Variants in SPOCK3 observed in about 807,000 individuals in gnomAD.
SPOCK3 encodes the protein testican-3.
A neutral mutation model predicts 56.6 loss-of-function variants in SPOCK3; 30 were observed. That is an observed-to-expected ratio of 0.53 (90% CI 0.40 to 0.72). SPOCK3 has a LOEUF of 0.72. Among genes scored for constraint, SPOCK3 ranks in the 30% least tolerant of loss-of-function variants. The probability of loss-of-function intolerance (pLI) is 0.00; values close to 1 mark genes in which losing one functional copy is unlikely to be tolerated. For synonymous variants in SPOCK3, 196 were observed against 183.3 expected, an observed-to-expected ratio of 1.07 and a Z score of -0.56; for missense variants, 527 against 530.0, an observed-to-expected ratio of 0.99 and a Z score of 0.06.
chr4:167,174,826 AACACACAT>A (rs923446516), intron 2 of SPOCK3, among the ~76,000 whole-genome samples: 5 of 152,164 alleles, frequency 3.3e-5, no homozygotes, highest in African/African-American at 1.2e-4. Flanking sequence ...CACGCACACA[AACACACAT>A]ACACACAGGC....
chr4:166,987,291 T>C (rs1296382929), intron 4 of SPOCK3, among the ~76,000 whole-genome samples: 2 of 152,158 alleles, frequency 1.3e-5, no homozygotes, highest in African/African-American at 2.4e-5. Context: ...TCTTGCCTGA[T>C]ATCTGAAAAT....
rs560848962 is a variant in SPOCK3 at position 166,992,343 on chromosome 4, C to T, written c.350+8006G>A. Among the ~76,000 whole-genome samples, 14 of 152,220 alleles carry T rather than the reference C, an allele frequency of 9.2e-5. No homozygotes were observed. In the South Asian group the frequency reaches 2.7e-3, roughly 29 times the overall value. ...TAAAAATAAAGAAGTTTTAAAATTG[C>T]TATCACTGACATCACCTATGTATAA... On this transcript the variant is annotated intron_variant, in intron 4 of 10. Transcript: ENST00000357545.
intron 2 of SPOCK3, among the ~76,000 whole-genome samples, chr4:167,208,902 A>G (rs185888393): frequency 1.2e-3 from 183 of 152,260 alleles, no homozygotes; most frequent in African/African-American, 4.1e-3. Flanking sequence ...GCTTAGAGTT[A>G]TATTTGTTTG....
intron 8 of SPOCK3, among the ~76,000 whole-genome samples, chr4:166,753,062 T>C (rs1315625115): frequency 6.6e-6 from 1 of 151,988 alleles, no homozygotes; most frequent in Non-Finnish European, 1.5e-5. Flanking sequence ...ATCCTGCAAA[T>C]ATTGCTACAA....
intron 5 of SPOCK3, among the ~76,000 whole-genome samples, chr4:166,893,455 C>T (rs10517907): frequency 0.74 from 112,564 of 151,992 alleles, 41,766 homozygotes; most frequent in East Asian, 0.82. Context: ...CCTACTTTCA[C>T]TGAGGCACTA....
chr4:167,175,633 A>G (rs903542429), intron 2 of SPOCK3, among the ~76,000 whole-genome samples: 24 of 152,112 alleles, frequency 1.6e-4, no homozygotes, highest in Non-Finnish European at 3.2e-4. Context: ...ACACAGAAAC[A>G]TGCACAGAGG....
intron 3 of SPOCK3, among the ~76,000 whole-genome samples, chr4:167,044,258 C>T (rs1328904090): frequency 6.6e-6 from 1 of 151,808 alleles, no homozygotes; most frequent in Non-Finnish European, 1.5e-5. Flanking sequence ...ACTTATTATC[C>T]TTTTAATGTT....
intron 2 of SPOCK3, among the ~76,000 whole-genome samples, chr4:167,205,558 A>ATATAT (rs1734214559): frequency 1.8e-5 from 1 of 56,038 alleles, no homozygotes; most frequent in Non-Finnish European, 3.1e-5. Context: ...ATAATATATA[A>ATATAT]TATATATTAT....
chr4:166,943,330 C>A (rs1741330832), intron 4 of SPOCK3, among the ~76,000 whole-genome samples: 1 of 152,132 alleles, frequency 6.6e-6, no homozygotes, highest in Non-Finnish European at 1.5e-5. Context: ...CTTTGGGAGT[C>A]CCCAGGCAGT....
chr4:166,842,949 G>A (rs1747616050), intron 6 of SPOCK3, among the ~76,000 whole-genome samples: 1 of 152,224 alleles, frequency 6.6e-6, no homozygotes, highest in Non-Finnish European at 1.5e-5. Context: ...ATGGCAGGCT[G>A]CAGATCCTGA....
At chr4:166,848,294 A>G (rs1475320948) in intron 6 of SPOCK3, among the ~76,000 whole-genome samples, 2 of 152,212 alleles carry the variant, frequency 1.3e-5, no homozygotes, top group African/African-American at 2.4e-5. Context: ...AAAGGGAGTC[A>G]GAAACTTTGA....
chr4:167,171,987 A>G (rs1246177607), intron 2 of SPOCK3, among the ~76,000 whole-genome samples: 3 of 152,278 alleles, frequency 2.0e-5, no homozygotes, highest in Admixed American at 2.0e-4. Flanking sequence ...GCATAAAGGT[A>G]AAAAGATATG....
intron 2 of SPOCK3, among the ~76,000 whole-genome samples, chr4:167,088,349 G>C (rs1021525705): frequency 3.3e-5 from 5 of 152,008 alleles, no homozygotes; most frequent in African/African-American, 1.2e-4. Context: ...ACTGCATTAG[G>C]GTTTTAATCT....
At chr4:166,894,918 C>T (rs1365589472) in intron 5 of SPOCK3, among the ~76,000 whole-genome samples, 3 of 152,024 alleles carry the variant, frequency 2.0e-5, no homozygotes, top group Admixed American at 2.0e-4. Context: ...CTCACAATAG[C>T]CTGCAGTGGA....
chr4:167,119,782 A>G, intron 2 of SPOCK3: 1 of 1,527,160 alleles, frequency 6.5e-7, no homozygotes, highest in Non-Finnish European at 8.8e-7. Context: ...TATATTTAAC[A>G]ATTTTCATTA....
At chr4:166,900,423 A>C (rs1184201793) in intron 5 of SPOCK3, among the ~76,000 whole-genome samples, 1 of 152,184 alleles carries the variant, frequency 6.6e-6, no homozygotes, top group Non-Finnish European at 1.5e-5. Flanking sequence ...ATATCTTAGT[A>C]AGGCAATTTG....
chr4:167,123,534 G>C lies in SPOCK3; in HGVS notation c.190-60997C>G, dbSNP rs186477087. ...ACACTCCTGGCTGGATTCAGTCATA[G>C]TTTACAATAGCCATTATCTGTCTGT... is the stretch of plus-strand genomic sequence containing the variant. On this transcript the variant is annotated intron_variant, in intron 2 of 10. Coordinates refer to ENST00000357545, the MANE Select transcript of SPOCK3 (RefSeq NM_001040159.2). Among the ~76,000 whole-genome samples the C allele has an allele frequency of 3.2e-3, 486 of 152,078 alleles. 2 individuals are homozygous for C. The highest frequency in any genetic ancestry group is 0.011 in the African/African-American group (463 of 41,496).
At chr4:166,952,773 G>A (rs1259490438) in intron 4 of SPOCK3, among the ~76,000 whole-genome samples, 24 of 152,008 alleles carry the variant, frequency 1.6e-4, no homozygotes, top group Non-Finnish European at 2.9e-4. Context: ...CCTCAGAAAT[G>A]ACGCCACATA....
chr4:166,837,083 A>G (rs1027224142), intron 6 of SPOCK3, among the ~76,000 whole-genome samples: 2 of 152,208 alleles, frequency 1.3e-5, no homozygotes, highest in African/African-American at 4.8e-5. Context: ...ACCATCTTTA[A>G]TAAGTGCCCA....
Sources: gnomAD v4.1 joint callset for allele counts (sites outside exome capture counted in the v4.1 genomes callset) on GRCh38, gnomAD v4.1.1 for gene constraint, MANE v1.5 for transcripts, NCBI Gene and HGNC (gene_info 2026-07-23, HGNC 2026-07-21) for gene names.